Variants in ERICH1 observed in about 807,000 individuals in gnomAD.
The protein encoded by ERICH1 is glutamate rich 1, also known as glutamate-rich protein 1.
Under a neutral mutation model 39.6 loss-of-function variants are expected in ERICH1, and 56 were observed. The ratio of observed to expected loss-of-function variants is 1.41; its 90% CI spans 1.14 to 1.77. ERICH1 has a LOEUF of 1.77. Ranked by LOEUF, ERICH1 falls within the 40% of genes most tolerant of loss-of-function variation. The probability of loss-of-function intolerance (pLI) is 0.00; values close to 1 mark genes in which losing one functional copy is unlikely to be tolerated. For missense variants in ERICH1, 826 were observed against 575.4 expected, an observed-to-expected ratio of 1.44 and a Z score of -4.45; for synonymous variants, 313 against 223.6, an observed-to-expected ratio of 1.40 and a Z score of -3.57.
chr8:653,201 T>G (rs1157908342), intron 3 of ERICH1, among the ~76,000 whole-genome samples: 3 of 152,250 alleles, frequency 2.0e-5, no homozygotes, highest in Non-Finnish European at 4.4e-5. Context: ...AACAGCACCA[T>G]GTCCATCTAC....
In ERICH1 at chr8:651,998, G is replaced by C. The variant is rs1800018003; in HGVS notation, c.976+16600C>G. 1.3e-5 allele frequency among the ~76,000 whole-genome samples: 2 copies of C among 152,212 alleles called. 1 individual carries two copies. The highest frequency in any genetic ancestry group is 4.1e-4 in the South Asian group (2 of 4,832). Reference sequence around the variant, plus strand: ...ATTTTGCAACCCGAATGAAGGCACTGATTTGGGAAAAGGCCGTTGGCAGTT... The same window carrying C: ...ATTTTGCAACCCGAATGAAGGCACTCATTTGGGAAAAGGCCGTTGGCAGTT... On this transcript the variant is annotated intron_variant, in intron 3 of 3. Transcript: ENST00000522706.
rs563130134 is a variant in ERICH1, at chr8:698,835, C to T, written c.170-6223G>A. On this transcript the variant is annotated intron_variant, in intron 2 of 5. Transcript: ENST00000262109. ...GTGCTGGAGGCAAAACCAGGGCTCA[C>T]GGTGCACCTCCGTCCTCCTCAGGTA... Among the ~76,000 whole-genome samples the T allele has an allele frequency of 7.3e-5, 11 of 151,160 alleles. No homozygotes were observed. The East Asian group carries it at 1.2e-3, about 16-fold the overall frequency.
intron 2 of ERICH1, among the ~76,000 whole-genome samples, chr8:702,115 T>G (rs1444725056): frequency 6.9e-6 from 1 of 145,978 alleles, no homozygotes; most frequent in African/African-American, 2.6e-5. Flanking sequence ...GGCAATCCAC[T>G]GAGAGAAGGT....
intron 3 of ERICH1, among the ~76,000 whole-genome samples, chr8:623,922 C>G (rs911268288): frequency 1.3e-5 from 2 of 152,096 alleles, no homozygotes; most frequent in African/African-American, 4.8e-5. Flanking sequence ...AAAATTAAAA[C>G]TTTTTTGTTG....
At position 647,625 on chromosome 8, in the gene ERICH1, G is replaced by A. The variant is rs112166296; in HGVS notation, c.976+20973C>T. Among the ~76,000 whole-genome samples, 150 of 67,464 alleles carry A rather than the reference G, an allele frequency of 2.2e-3. 56 individuals carry two copies. The Middle Eastern group carries it at 0.026, about 12-fold the overall frequency. The allele number at this position is 67,464 out of a possible 152,430, so 44.3% of individuals were successfully genotyped here. A position where few individuals can be genotyped will look rare whatever the true frequency, so the allele number is the denominator to read the frequency against. The stretch of plus-strand genomic sequence containing the variant: ...TCTGCTAGGAGGGGAAAACACAAAC[G>A]AATGGGTCACAGGTGACCCGGGAAG... On this transcript the variant is annotated intron_variant, in intron 3 of 3. Coordinates refer to the ERICH1 transcript ENST00000522706.
At chr8:622,852 G>T (rs578087304) in intron 3 of ERICH1, among the ~76,000 whole-genome samples, 2 of 152,020 alleles carry the variant, frequency 1.3e-5, no homozygotes, top group Non-Finnish European at 2.9e-5. Context: ...CAGCAGCTCA[G>T]GATGCTGAGG....
At position 699,902 on chromosome 8, in the gene ERICH1, C is replaced by T. The variant is rs1364673220; in HGVS notation, c.170-7290G>A. 8.7e-4 allele frequency among the ~76,000 whole-genome samples: 103 copies of T among 118,640 alleles called. 1 individual carries two copies. The highest frequency in any genetic ancestry group is 1.4e-3 in the African/African-American group (43 of 30,624). 77.8% of individuals were successfully genotyped at this position (118,640 alleles called of 152,430 possible). On this transcript the variant is annotated intron_variant, in intron 2 of 5. Coordinates refer to ENST00000262109, the MANE Select transcript of ERICH1 (RefSeq NM_207332.3). ...GCACAGATCCGCACACGCGCACAGA[C>T]CCGCACAGGCGCACAGGCCCGCACA...
chr8:673,499 C>A lies in ERICH1; in HGVS notation c.853G>T (p.Ala285Ser). 1 of 1,612,992 alleles carries A rather than the reference C, an allele frequency of 6.2e-7. No individual in the cohort carries two copies. The highest frequency in any genetic ancestry group is 8.5e-7 in the Non-Finnish European group (1 of 1,179,668). ...VDTIEEDLTR[A>S]GEEDGKDTRE... is the part of the protein sequence containing the mutation. ...GTGTCTTTACCGTCTTCCTCCCCGG[C>A]CCGTGTCAGGTCTTCCTCAATGGTG... Residue 285 changes from alanine (A) to serine (S), a missense_variant, in exon 4 of 6, where the codon GCC becomes TCC. Transcript: ENST00000262109.
At chr8:644,159 G>A (rs537719147) in intron 3 of ERICH1, among the ~76,000 whole-genome samples, 8 of 152,014 alleles carry the variant, frequency 5.3e-5, no homozygotes, top group Non-Finnish European at 1.2e-4. Flanking sequence ...TCCTGGCCCC[G>A]TCCTAAGGCA....
chr8:635,443 A>T (rs336416), intron 3 of ERICH1, among the ~76,000 whole-genome samples: 41,936 of 152,136 alleles, frequency 0.28, 6,539 homozygotes, highest in East Asian at 0.42. Flanking sequence ...GCTGGCTGTG[A>T]GAGGGGCTGT....
chr8:630,239 C>A (rs1797914822), intron 3 of ERICH1, among the ~76,000 whole-genome samples: 3 of 141,216 alleles, frequency 2.1e-5, no homozygotes, highest in Non-Finnish European at 4.5e-5. Flanking sequence ...CCCACACAGA[C>A]AGAGCTGACT....
At chr8:697,969 C>T (rs528092502) in intron 2 of ERICH1, among the ~76,000 whole-genome samples, 2 of 152,202 alleles carry the variant, frequency 1.3e-5, no homozygotes, top group South Asian at 2.1e-4. Flanking sequence ...CAAATCCCTG[C>T]GTCTGGGGCT....
At chr8:633,882 A>T (rs931481404) in intron 3 of ERICH1, among the ~76,000 whole-genome samples, 6 of 152,250 alleles carry the variant, frequency 3.9e-5, no homozygotes, top group African/African-American at 1.4e-4. Context: ...GACAAAAATC[A>T]GTGCAAAGTA....
intron 3 of ERICH1, among the ~76,000 whole-genome samples, chr8:633,001 G>C (rs944332112): frequency 7.9e-5 from 12 of 152,210 alleles, no homozygotes; most frequent in African/African-American, 2.2e-4. Flanking sequence ...CAGGGAGGGA[G>C]GCAGATCGGC....
At chr8:686,353 C>A (rs756874304) in intron 3 of ERICH1, among the ~76,000 whole-genome samples, 4 of 151,940 alleles carry the variant, frequency 2.6e-5, no homozygotes, top group Non-Finnish European at 4.4e-5. Context: ...GAATATGTGC[C>A]AACAATAGCT....
chr8:690,819 G>C (rs570001738), intron 3 of ERICH1: 2 of 152,444 alleles, frequency 1.3e-5, no homozygotes, highest in African/African-American at 4.8e-5. Flanking sequence ...TGTTCAAAAT[G>C]AAAGCCAGTG....
intron 2 of ERICH1, among the ~76,000 whole-genome samples, chr8:712,441 T>G (rs747815488): frequency 2.0e-5 from 3 of 152,184 alleles, no homozygotes; most frequent in Non-Finnish European, 2.9e-5. Flanking sequence ...TGTTTTGTTT[T>G]GTTTTTGAGA....
chr8:698,582 G>A (rs756331757), intron 2 of ERICH1, among the ~76,000 whole-genome samples: 11 of 151,868 alleles, frequency 7.2e-5, no homozygotes, highest in Non-Finnish European at 1.2e-4. Flanking sequence ...ATGACAAGGT[G>A]GTCATTGAAA....
intron 4 of ERICH1, 52 bp downstream of exon 4, chr8:673,237 T>A: frequency 6.6e-7 from 1 of 1,518,830 alleles, no homozygotes; most frequent in East Asian, 2.3e-5. Flanking sequence ...TTTCTTTTAA[T>A]AAACTTTTAA....
Sources: gnomAD v4.1 joint callset for allele counts (sites outside exome capture counted in the v4.1 genomes callset) on GRCh38, gnomAD v4.1.1 for gene constraint, MANE v1.5 for transcripts, NCBI Gene and HGNC (gene_info 2026-07-23, HGNC 2026-07-21) for gene names.